PPHLN1: variants seen among roughly 807,000 people sequenced by gnomAD.
PPHLN1 encodes the protein periphilin 1, also known as periphilin-1.
In PPHLN1, 29 loss-of-function variants were observed where a neutral mutation model predicts 51.3. The ratio of observed to expected loss-of-function variants is 0.57; its 90% CI spans 0.42 to 0.77. The LOEUF (loss-of-function observed/expected upper bound fraction) is 0.77, where lower values mean the gene tolerates loss of function less well. PPHLN1 is among the 30% of genes least tolerant of loss of function. PPHLN1 has a pLI of 0.00. For synonymous variants in PPHLN1, 147 were observed against 147.8 expected, an observed-to-expected ratio of 0.99 and a Z score of 0.04; for missense variants, 436 against 438.4, an observed-to-expected ratio of 0.99 and a Z score of 0.05.
At chr12:42,350,963 C>G (rs11181453) in intron 2 of PPHLN1, among the ~76,000 whole-genome samples, 4 of 146,566 alleles carry the variant, frequency 2.7e-5, no homozygotes, top group African/African-American at 1.1e-4. Flanking sequence ...AAGCAGGAGA[C>G]GGAGAGGAGG....
intron 2 of PPHLN1, among the ~76,000 whole-genome samples, chr12:42,351,199 A>G (rs535152654): frequency 6.6e-6 from 1 of 152,122 alleles, no homozygotes; most frequent in African/African-American, 2.4e-5. Context: ...CTTTCTGTGG[A>G]TAATCGTTTT....
chr12:42,446,112 AACGGGTTCGTC>A, downstream of PPHLN1: 1 of 1,557,658 alleles, frequency 6.4e-7, no homozygotes, highest in Non-Finnish European at 8.7e-7. Context: ...CCCCGGAAGA[AACGGGTTCGTC>A]GGACGACACA....
intron 9 of PPHLN1, among the ~76,000 whole-genome samples, chr12:42,422,881 A>G (rs2081125746): frequency 6.6e-6 from 1 of 152,206 alleles, no homozygotes; most frequent in Non-Finnish European, 1.5e-5. Context: ...CTGTAGGTAA[A>G]TTCTATTTCA....
chr12:42,327,424 T>G (rs923280942), intron 1 of PPHLN1, among the ~76,000 whole-genome samples: 5 of 152,244 alleles, frequency 3.3e-5, no homozygotes, highest in African/African-American at 1.2e-4. Flanking sequence ...GTAGCCATGT[T>G]GAACGGATTT....
At chr12:42,420,704 C>CAT (rs1555218085) in intron 9 of PPHLN1, among the ~76,000 whole-genome samples, 1 of 110,330 alleles carries the variant, frequency 9.1e-6, no homozygotes, top group African/African-American at 3.3e-5. Flanking sequence ...CCCCTCCCTC[C>CAT]CTCTCTCTCT....
At chr12:42,346,878 C>CT (rs1035550083) in intron 2 of PPHLN1, among the ~76,000 whole-genome samples, 2 of 151,994 alleles carry the variant, frequency 1.3e-5, no homozygotes, top group Admixed American at 6.6e-5. Context: ...AACTGTTGAC[C>CT]TTTTTTTAAA....
At chr12:42,347,342 T>A (rs895683050) in intron 2 of PPHLN1, 3 of 152,254 alleles carry the variant, frequency 2.0e-5, no homozygotes, top group Admixed American at 6.5e-5. Flanking sequence ...ACCTTAAGTC[T>A]GTGTACCTAT....
chr12:42,363,881 G>A (rs2074981153), intron 4 of PPHLN1, among the ~76,000 whole-genome samples: 1 of 152,142 alleles, frequency 6.6e-6, no homozygotes, highest in South Asian at 2.1e-4. Flanking sequence ...GACTTAGAAT[G>A]AGGTTGTTTT....
chr12:42,345,362 T>C (rs1007308991), intron 2 of PPHLN1, among the ~76,000 whole-genome samples: 12 of 152,032 alleles, frequency 7.9e-5, no homozygotes, highest in Admixed American at 2.0e-4. Flanking sequence ...TTTAAGTTTA[T>C]GTGCAAGTTT....
At chr12:42,334,912 T>G (rs931503205) in intron 1 of PPHLN1, among the ~76,000 whole-genome samples, 10 of 152,214 alleles carry the variant, frequency 6.6e-5, no homozygotes, top group African/African-American at 2.2e-4. Flanking sequence ...TTATGTGTAT[T>G]GTCTATGGGT....
chr12:42,338,224 G>A (rs1419681405), intron 2 of PPHLN1, among the ~76,000 whole-genome samples: 1 of 152,178 alleles, frequency 6.6e-6, no homozygotes, highest in Non-Finnish European at 1.5e-5. Flanking sequence ...ACCACTCCAG[G>A]CCCCATTAGG....
intron 9 of PPHLN1, among the ~76,000 whole-genome samples, chr12:42,415,149 T>C (rs2600911): frequency 0.3 from 45,924 of 152,048 alleles, 7,880 homozygotes; most frequent in Non-Finnish European, 0.38. Context: ...CAGGCCAAAA[T>C]CTGTCATTTT....
At chr12:42,438,579 T>C (rs544234237) in intron 9 of PPHLN1, among the ~76,000 whole-genome samples, 1 of 152,194 alleles carries the variant, frequency 6.6e-6, no homozygotes, top group African/African-American at 2.4e-5. Flanking sequence ...ATTGGGTTGT[T>C]TCTTACTGTT....
downstream of PPHLN1, chr12:42,448,136 A>G (rs1329972902): frequency 4.6e-5 from 7 of 152,432 alleles, no homozygotes; most frequent in Admixed American, 4.6e-4. Flanking sequence ...AGATGTCACA[A>G]GTTTAAAAAC....
chr12:42,330,351 C>A (rs2069519859), intron 1 of PPHLN1, among the ~76,000 whole-genome samples: 1 of 152,210 alleles, frequency 6.6e-6, no homozygotes, highest in Admixed American at 6.5e-5. Flanking sequence ...AGCACAGACC[C>A]TTCATGGGTG....
chr12:42,363,331 T>A (rs1467948412), intron 4 of PPHLN1, among the ~76,000 whole-genome samples: 37 of 151,224 alleles, frequency 2.4e-4, no homozygotes, highest in African/African-American at 4.9e-4. Context: ...TTAATTAATT[T>A]AAAAAAAAAT....
intron 2 of PPHLN1, chr12:42,351,432 A>C (rs1283263322): frequency 6.6e-6 from 1 of 152,208 alleles, no homozygotes; most frequent in Non-Finnish European, 1.5e-5. Context: ...TTTCCTTTTG[A>C]TCATTCTGGC....
At chr12:42,393,781 T>C in intron 8 of PPHLN1, 92 bp downstream of exon 8, 1 of 1,239,672 alleles carries the variant, frequency 8.1e-7, no homozygotes, top group Non-Finnish European at 1.1e-6. Flanking sequence ...ATTCCTATAC[T>C]TCAAAATATA....
intron 7 of PPHLN1, among the ~76,000 whole-genome samples, chr12:42,391,378 A>G (rs2077696382): frequency 1.3e-5 from 2 of 152,142 alleles, no homozygotes; most frequent in Admixed American, 1.3e-4. Flanking sequence ...AGCTGGGATT[A>G]CAGGCGCCTG....
Sources: gnomAD v4.1 joint callset for allele counts (sites outside exome capture counted in the v4.1 genomes callset) on GRCh38, gnomAD v4.1.1 for gene constraint, MANE v1.5 for transcripts, NCBI Gene and HGNC (gene_info 2026-07-23, HGNC 2026-07-21) for gene names.